Variants in ZC3H6 observed in about 807,000 individuals in gnomAD.
The protein encoded by ZC3H6 is zinc finger CCCH domain-containing protein 6.
Under a neutral mutation model 107.7 loss-of-function variants are expected in ZC3H6, and 40 were observed. That is an observed-to-expected ratio of 0.37 (90% confidence interval 0.29 to 0.48). The LOEUF is 0.48. Ranked by LOEUF, ZC3H6 falls within the 20% of genes least tolerant of loss-of-function variation. The pLI is 0.98. For synonymous variants in ZC3H6, 493 were observed against 487.9 expected, an observed-to-expected ratio of 1.01 and a Z score of -0.14; for missense variants, 1,267 against 1,410.4, an observed-to-expected ratio of 0.90 and a Z score of 1.63.
At chr2:112,290,996 G>GA (rs1350491486) in intron 1 of ZC3H6, among the ~76,000 whole-genome samples, 3 of 152,050 alleles carry the variant, frequency 2.0e-5, no homozygotes, top group African/African-American at 4.8e-5. Context: ...CTTACTCCCA[G>GA]AAAAAAAAGT....
At chr2:112,289,062 CTTTTTTTTTTTT>C (rs1676031522) in intron 1 of ZC3H6, among the ~76,000 whole-genome samples, 1 of 125,288 alleles carries the variant, frequency 8.0e-6, no homozygotes, top group African/African-American at 2.9e-5. Flanking sequence ...TCTTTTTTTT[CTTTTTTTTTTTT>C]GAGACAGAAT....
chr2:112,309,600 G>A (rs1459799257), intron 3 of ZC3H6, among the ~76,000 whole-genome samples: 3 of 152,104 alleles, frequency 2.0e-5, no homozygotes, highest in African/African-American at 7.2e-5. Context: ...ATGTATGATT[G>A]TGTGTATTTT....
intron 6 of ZC3H6, 23 bp from the exon 7 acceptor site, chr2:112,317,198 C>CTTT (rs564035069): frequency 1.4e-3 from 1,488 of 1,026,662 alleles, no homozygotes; most frequent in South Asian, 5.7e-3. Context: ...TTTCTTTTTT[C>CTTT]TTTTTTTTTT....
At chr2:112,297,998 C>T (rs1346637971) in intron 1 of ZC3H6, among the ~76,000 whole-genome samples, 1 of 152,052 alleles carries the variant, frequency 6.6e-6, no homozygotes, top group East Asian at 1.9e-4. Context: ...GCCTGTAATC[C>T]CAGCTACTCG....
chr2:112,329,777 G>C (rs765284584), intron 11 of ZC3H6, among the ~76,000 whole-genome samples: 23 of 152,152 alleles, frequency 1.5e-4, no homozygotes, highest in Non-Finnish European at 2.8e-4. Flanking sequence ...CTATACATCT[G>C]TATTCCATGT....
At chr2:112,305,285 G>A (rs1457168506) in intron 3 of ZC3H6, among the ~76,000 whole-genome samples, 1 of 152,142 alleles carries the variant, frequency 6.6e-6, no homozygotes, top group Non-Finnish European at 1.5e-5. Context: ...AATGAGACAG[G>A]TTCTGGATTC....
At chr2:112,294,883 CTAGA>C (rs934820555) in intron 1 of ZC3H6, among the ~76,000 whole-genome samples, 1 of 152,150 alleles carries the variant, frequency 6.6e-6, no homozygotes, top group African/African-American at 2.4e-5. Flanking sequence ...TTGTCTCAAT[CTAGA>C]TACTTAGATC....
In ZC3H6 at chr2:112,324,436, T is replaced by G. The variant is rs1218475708; in HGVS notation, c.1625T>G (p.Leu542Trp). The G allele has an allele frequency of 6.8e-6, 11 of 1,613,866 alleles. No individual in the cohort carries two copies. The highest frequency in any genetic ancestry group is 8.5e-6 in the Non-Finnish European group (10 of 1,179,880). The change falls in exon 10 of 12, where the codon TTG (leucine) becomes TGG (tryptophan). Residue 542 changes from leucine (L) to tryptophan (W), a missense_variant. Leu to Trp is a moderately conservative substitution (Grantham distance 61). Coordinates refer to ENST00000409871, the MANE Select transcript of ZC3H6 (RefSeq NM_198581.3). Reference protein sequence around the residue: ...AGVLVQPDTSLTPPSMGGAYH... With the variant: ...AGVLVQPDTSWTPPSMGGAYH... ...GTGCTTGTTCAACCAGACACATCTT[T>G]GACACCACCAAGTATGGGTGGGGCT... is the stretch of plus-strand genomic sequence containing the variant.
chr2:112,291,138 C>G lies in ZC3H6; in HGVS notation c.33-8711C>G, dbSNP rs188751901. Among the ~76,000 whole-genome samples, 41 of 152,350 alleles carry G rather than the reference C, an allele frequency of 2.7e-4. No individual in the cohort carries two copies. The East Asian group carries it at 7.3e-3, about 27-fold the overall frequency. On this transcript the variant is annotated intron_variant, in intron 1 of 11. Transcript: ENST00000409871. ...AAATTAGTTAGGGGTTTCTGGCATA[C>G]CCTGTGTAAGCTAATCTCAGTTTTA... is the stretch of plus-strand genomic sequence containing the variant.
chr2:112,325,128 A>T lies in ZC3H6; in HGVS notation c.2017A>T (p.Thr673Ser), dbSNP rs757348809. The T allele has an allele frequency of 9.3e-6, 15 of 1,614,014 alleles. No homozygotes were observed. In the Admixed American group the frequency reaches 2.5e-4, roughly 27 times the overall value. ...GCAAAGAGCTCTTTTTGTAAGACTT[A>T]CTCAGAGATACCAAGAAGATGAAGA... ...AVQRALFVRL[T>S]QRYQEDEEQT... The change falls in exon 11 of 12, where the codon ACT becomes TCT. Residue 673 changes from threonine (T) to serine (S), a missense_variant. This residue lies in a region of ZC3H6 where 925 missense variants were observed against 1,025.7 expected (regional missense o/e 0.90). Transcript: ENST00000409871.
intron 1 of ZC3H6, among the ~76,000 whole-genome samples, chr2:112,296,148 T>C (rs1449450071): frequency 6.6e-6 from 1 of 152,170 alleles, no homozygotes. Context: ...CAGATTAATA[T>C]ACAGAATATT....
Position 112,332,157 on chromosome 2 carries a change from T to C in ZC3H6, c.3239T>C (p.Leu1080Ser). The C allele has an allele frequency of 6.2e-7, 1 of 1,613,816 alleles. No homozygotes were observed. Among genetic ancestry groups the C allele is most frequent in the South Asian group, 1.1e-5 (1 of 91,060 alleles). Residue 1080 changes from leucine (L) to serine (S), a missense_variant, in exon 12 of 12, where the codon TTA (leucine) becomes TCA (serine). Coordinates refer to ENST00000409871, the MANE Select transcript of ZC3H6 (RefSeq NM_198581.3). ...AAGAACCAGAAAAAAAGTGGTGGCT[T>C]AAAAAGTAGTGACAAAACTGAACCT... ...NSKNQKKSGG[L>S]KSSDKTEPSP...
intron 3 of ZC3H6, among the ~76,000 whole-genome samples, chr2:112,306,387 G>T (rs906548102): frequency 1.3e-5 from 2 of 152,048 alleles, no homozygotes; most frequent in Non-Finnish European, 2.9e-5. Flanking sequence ...TGGCCAGGCT[G>T]GTCTCAAACT....
Position 112,310,178 on chromosome 2 carries a change from A to C in ZC3H6, c.613+17A>C. The C allele has an allele frequency of 6.2e-7, 1 of 1,607,422 alleles. No homozygotes were observed. Among genetic ancestry groups the C allele is most frequent in the South Asian group, 1.1e-5 (1 of 90,016 alleles). ...TTCAGCAAGGTAAGTTTGAAATTAC[A>C]GTCTGTCTTAGAATGTGAGAACCTT... On this transcript the variant is annotated intron_variant, in intron 4 of 11. Coordinates refer to ENST00000409871, the MANE Select transcript of ZC3H6 (RefSeq NM_198581.3).
chr2:112,302,749 G>A (rs1676404111), intron 2 of ZC3H6, among the ~76,000 whole-genome samples: 1 of 151,834 alleles, frequency 6.6e-6, no homozygotes, highest in South Asian at 2.1e-4. Context: ...AATTTTGTGG[G>A]CCAGATTTAT....
At chr2:112,320,962 TAAACCTAAAAAAG>T (rs1573962831) in intron 7 of ZC3H6, among the ~76,000 whole-genome samples, 1 of 152,230 alleles carries the variant, frequency 6.6e-6, no homozygotes, top group East Asian at 1.9e-4. Flanking sequence ...AGGATTTTTT[TAAACCTAAAAAAG>T]AAATCTAAAA....
In ZC3H6 at chr2:112,310,123, A is replaced by C; in HGVS notation, c.575A>C (p.Glu192Ala). ...NIALGSSFSK[E>A]SGKKQRMKGV... ...GCTTTAGGGTCATCATTTTCTAAAGAATCAGGAAAAAAACAGAGAATGAAA... is the reference window on the plus strand; with the variant it reads ...GCTTTAGGGTCATCATTTTCTAAAGCATCAGGAAAAAAACAGAGAATGAAA... The change falls in exon 4 of 12, where the codon GAA becomes GCA. Residue 192 changes from glutamate (E) to alanine (A), a missense_variant. By Grantham distance (107) the Glu-to-Ala change is moderately radical (BLOSUM62 -1). Transcript: ENST00000409871. 1 of 1,613,224 alleles carries C rather than the reference A, an allele frequency of 6.2e-7. No homozygotes were observed. The highest frequency in any genetic ancestry group is 2.2e-5 in the East Asian group (1 of 44,834).
chr2:112,311,978 A>G (rs377311349), intron 5 of ZC3H6, 41 bp downstream of exon 5: 788 of 1,519,464 alleles, frequency 5.2e-4, no homozygotes, highest in Non-Finnish European at 6.7e-4. Flanking sequence ...GAGCTTTTTC[A>G]TCTTTTAATT....
chr2:112,321,317 C>T (rs1676797001), intron 7 of ZC3H6, among the ~76,000 whole-genome samples: 1 of 151,688 alleles, frequency 6.6e-6, no homozygotes, highest in Admixed American at 6.6e-5. Context: ...TGAAAAGTAA[C>T]AGAGCTTATG....
Sources: allele counts gnomAD v4.1 joint callset (sites outside exome capture counted in the v4.1 genomes callset), GRCh38; gene constraint gnomAD v4.1.1; regional missense constraint gnomAD v4.1.1; transcripts MANE v1.5; gene names NCBI Gene and HGNC (gene_info 2026-07-23, HGNC 2026-07-21).